Variants in ARID4B observed in about 807,000 individuals in gnomAD.
ARID4B encodes the protein AT-rich interactive domain-containing protein 4B.
Under a neutral mutation model 147.5 loss-of-function variants are expected in ARID4B, and 26 were observed. The ratio of observed to expected loss-of-function variants is 0.18; its 90% CI spans 0.13 to 0.24. The LOEUF (loss-of-function observed/expected upper bound fraction) is 0.24, where lower values mean the gene tolerates loss of function less well. Ranked by LOEUF, ARID4B falls within the 10% of genes least tolerant of loss-of-function variation. The pLI, the probability that ARID4B is intolerant of heterozygous loss-of-function variation, is 1.00. For missense variants in ARID4B, 1,179 were observed against 1,511.5 expected, an observed-to-expected ratio of 0.78 and a Z score of 3.65; for synonymous variants, 512 against 507.9, an observed-to-expected ratio of 1.01 and a Z score of -0.11.
Position 235,307,871 on chromosome 1 carries a change from G to A in ARID4B, c.6+19043C>T, listed in dbSNP as rs552093037. Among the ~76,000 whole-genome samples the A allele has an allele frequency of 8.8e-4, 133 of 151,802 alleles. 1 individual carries two copies. Among genetic ancestry groups the A allele is most frequent in the Middle Eastern group, 6.8e-3 (2 of 294 alleles). The stretch of plus-strand genomic sequence containing the variant: ...TTTAGAGATAGAGTCTCGCTCTGTC[G>A]CCCAGGCTGGAATCTAGTGGTGCAA... On this transcript the variant is annotated intron_variant, in intron 2 of 23. Coordinates refer to ENST00000264183, the MANE Select transcript of ARID4B (RefSeq NM_016374.6).
intron 2 of ARID4B, among the ~76,000 whole-genome samples, chr1:235,303,259 T>C (rs1673317402): frequency 6.6e-6 from 1 of 152,084 alleles, no homozygotes; most frequent in East Asian, 1.9e-4. Flanking sequence ...CGCTGTACTA[T>C]CTTCCACCCA....
rs1290198520 is a variant in ARID4B, at chr1:235,185,765, C to A, written c.2126-2972G>T. On this transcript the variant is annotated intron_variant, in intron 19 of 23. Coordinates refer to ENST00000264183, the MANE Select transcript of ARID4B (RefSeq NM_016374.6). ...TTTCCTTCAGAGTTCTGAATCCTTC[C>A]GAATGTATTGCTTCTTTGCTTAAGG... is the stretch of plus-strand genomic sequence containing the variant. Among the ~76,000 whole-genome samples, 3 of 152,118 alleles carry A rather than the reference C, an allele frequency of 2.0e-5. No individual in the cohort carries two copies. In the East Asian group the frequency reaches 5.8e-4, roughly 29 times the overall value.
chr1:235,273,619 T>C (rs1671129568), intron 2 of ARID4B, among the ~76,000 whole-genome samples: 1 of 152,206 alleles, frequency 6.6e-6, no homozygotes. Context: ...AGTCATATAG[T>C]AGCTAAGAAT....
intron 21 of ARID4B, 178 bp from the exon 22 acceptor site, chr1:235,175,577 T>C (rs978060684): frequency 1.7e-6 from 1 of 591,808 alleles, no homozygotes; most frequent in Non-Finnish European, 3.0e-6. Context: ...AAACAAAAAA[T>C]TCTTCTTACC....
intron 23 of ARID4B, among the ~76,000 whole-genome samples, chr1:235,172,114 A>C (rs1246648952): frequency 6.6e-6 from 1 of 152,232 alleles, no homozygotes. Flanking sequence ...GTAGAGTATA[A>C]ACTCTATGAA....
intron 2 of ARID4B, among the ~76,000 whole-genome samples, chr1:235,269,578 T>C (rs1292033817): frequency 6.6e-6 from 1 of 152,132 alleles, no homozygotes; most frequent in Non-Finnish European, 1.5e-5. Flanking sequence ...CTTAAAAAGT[T>C]TGAACGTAAT....
At chr1:235,279,086 G>A (rs1239292457) in intron 2 of ARID4B, among the ~76,000 whole-genome samples, 1 of 152,018 alleles carries the variant, frequency 6.6e-6, no homozygotes, top group Non-Finnish European at 1.5e-5. Flanking sequence ...CCAACACCTG[G>A]AAATTTGTTA....
intron 16 of ARID4B, among the ~76,000 whole-genome samples, chr1:235,214,457 T>C (rs1037556893): frequency 9.9e-5 from 15 of 152,178 alleles, no homozygotes; most frequent in African/African-American, 3.6e-4. Context: ...CCTCAAGATG[T>C]TTGTTTCATT....
intron 17 of ARID4B, among the ~76,000 whole-genome samples, chr1:235,203,316 G>A (rs1159704973): frequency 6.6e-6 from 1 of 152,094 alleles, no homozygotes; most frequent in African/African-American, 2.4e-5. Context: ...TACCAAAATG[G>A]TTAATATGCC....
chr1:235,181,812 G>A lies in ARID4B; in HGVS notation c.3107C>T (p.Thr1036Ile), dbSNP rs747669841. The A allele has an allele frequency of 9.9e-6, 16 of 1,614,082 alleles. No individual in the cohort carries two copies. In the Admixed American group the frequency reaches 2.0e-4, roughly 20 times the overall value. The stretch of plus-strand genomic sequence containing the variant: ...AGAAGACTGCTGCCGGCTGCCTTCT[G>A]TTACAGTGACTGATGAAGGCGATTC... Reference protein sequence around the residue: ...TPESPSSVTVTEGSRQQSSVT... With the variant: ...TPESPSSVTVIEGSRQQSSVT... The change falls in exon 20 of 24, where the codon ACA becomes ATA. Residue 1036 changes from threonine (T) to isoleucine (I), a missense_variant. By Grantham distance (89) the Thr-to-Ile change is moderately conservative (BLOSUM62 -1). This residue lies in a region of ARID4B where 357 missense variants were observed against 427.3 expected (regional missense o/e 0.84). Transcript: ENST00000264183.
intron 7 of ARID4B, among the ~76,000 whole-genome samples, chr1:235,245,290 A>G (rs1669230419): frequency 6.6e-6 from 1 of 152,216 alleles, no homozygotes; most frequent in Non-Finnish European, 1.5e-5. Context: ...GGACGCCTCA[A>G]CTAAGAAACA....
chr1:235,236,836 A>ATATATATATATATATATATATGTATG (rs1553299976), intron 8 of ARID4B, among the ~76,000 whole-genome samples: 9 of 24,796 alleles, frequency 3.6e-4, no homozygotes, highest in African/African-American at 1.1e-3. Context: ...TATAAAAAAT[A>ATATATATATATATATATATATGTATG]TATATATATA....
chr1:235,247,711 G>A (rs1041448914), intron 6 of ARID4B, among the ~76,000 whole-genome samples: 4 of 152,186 alleles, frequency 2.6e-5, no homozygotes, highest in Middle Eastern at 3.4e-3. Flanking sequence ...TATTTGGGCC[G>A]GGTGCAGTGA....
chr1:235,184,989 G>T (rs979914755), intron 19 of ARID4B, among the ~76,000 whole-genome samples: 1 of 152,046 alleles, frequency 6.6e-6, no homozygotes, highest in Non-Finnish European at 1.5e-5. Flanking sequence ...GCTAATTTTT[G>T]TATTTTTAGT....
At chr1:235,214,599 A>C (rs1666930928) in intron 16 of ARID4B, among the ~76,000 whole-genome samples, 1 of 152,184 alleles carries the variant, frequency 6.6e-6, no homozygotes, top group South Asian at 2.1e-4. Context: ...AAATGTTATA[A>C]TAACTGAAAT....
At chr1:235,239,854 A>C (rs562039628) in intron 8 of ARID4B, among the ~76,000 whole-genome samples, 3 of 152,314 alleles carry the variant, frequency 2.0e-5, no homozygotes, top group African/African-American at 7.2e-5. Context: ...TGTAGAGAAA[A>C]TTGAAGAGTG....
chr1:235,290,107 T>A (rs1267574089), intron 2 of ARID4B, among the ~76,000 whole-genome samples: 1 of 152,066 alleles, frequency 6.6e-6, no homozygotes, highest in African/African-American at 2.4e-5. Context: ...TCTAGTAATG[T>A]ACACGGCAGG....
intron 21 of ARID4B, among the ~76,000 whole-genome samples, chr1:235,176,501 A>T (rs1663892895): frequency 6.7e-6 from 1 of 150,148 alleles, no homozygotes; most frequent in Admixed American, 6.7e-5. Flanking sequence ...AAATTATTCC[A>T]AATAGTAAAG....
At chr1:235,237,063 G>A (rs577379264) in intron 8 of ARID4B, among the ~76,000 whole-genome samples, 1 of 146,178 alleles carries the variant, frequency 6.8e-6, no homozygotes, top group Admixed American at 7.0e-5. Context: ...AGTACAGAAG[G>A]GGTTTCACTA....
Sources: gnomAD v4.1 joint callset for allele counts (sites outside exome capture counted in the v4.1 genomes callset) on GRCh38, gnomAD v4.1.1 for gene constraint, gnomAD v4.1.1 regional missense constraint, MANE v1.5 for transcripts, NCBI Gene and HGNC (gene_info 2026-07-23, HGNC 2026-07-21) for gene names.